The following VKORC1L1 variants were observed in gnomAD, a reference collection of about 807,000 sequenced individuals.
VKORC1L1 encodes vitamin K epoxide reductase complex subunit 1-like protein 1.
In VKORC1L1, 2 loss-of-function variants were observed where a neutral mutation model predicts 18.9. The observed-to-expected ratio is 0.11, with a 90% confidence interval of 0.04 to 0.33. The LOEUF (loss-of-function observed/expected upper bound fraction) is 0.33, where lower values mean the gene tolerates loss of function less well. Ranked by LOEUF, VKORC1L1 falls within the 10% of genes least tolerant of loss-of-function variation. The probability of loss-of-function intolerance (pLI) is 1.00; values close to 1 mark genes in which losing one functional copy is unlikely to be tolerated. For missense variants in VKORC1L1, 123 were observed against 224.1 expected, an observed-to-expected ratio of 0.55 and a Z score of 2.88; for synonymous variants, 96 against 100.0, an observed-to-expected ratio of 0.96 and a Z score of 0.24.
At chr7:65,913,065 A>G (rs1789526133) in intron 1 of VKORC1L1, among the ~76,000 whole-genome samples, 1 of 152,210 alleles carries the variant, frequency 6.6e-6, no homozygotes, top group Non-Finnish European at 1.5e-5. Context: ...GAGAGCTGGT[A>G]ATGCTGTCAG....
chr7:65,884,462 C>T (rs1324334541), intron 1 of VKORC1L1, among the ~76,000 whole-genome samples: 3 of 152,082 alleles, frequency 2.0e-5, no homozygotes, highest in Admixed American at 1.3e-4. Flanking sequence ...CGTGGTGAAA[C>T]CCCGTCTCTA....
chr7:65,933,888 T>C (rs971125495), intron 1 of VKORC1L1, among the ~76,000 whole-genome samples: 16 of 152,216 alleles, frequency 1.1e-4, no homozygotes, highest in African/African-American at 3.4e-4. Context: ...TTAGATTTTA[T>C]ATTTAGCAAC....
chr7:65,932,221 C>T (rs1413234506), intron 1 of VKORC1L1, among the ~76,000 whole-genome samples: 1 of 151,914 alleles, frequency 6.6e-6, no homozygotes, highest in Non-Finnish European at 1.5e-5. Context: ...CCTCAGCCTC[C>T]CAACCAGCTG....
At chr7:65,938,904 G>T (rs1386029802) in intron 1 of VKORC1L1, among the ~76,000 whole-genome samples, 2 of 152,164 alleles carry the variant, frequency 1.3e-5, no homozygotes, top group South Asian at 2.1e-4. Context: ...GGGGGCTTTG[G>T]GTTGGTCATC....
intron 1 of VKORC1L1, among the ~76,000 whole-genome samples, chr7:65,896,213 C>T (rs1364975829): frequency 6.6e-6 from 1 of 151,820 alleles, no homozygotes; most frequent in Non-Finnish European, 1.5e-5. Flanking sequence ...CATTATCTCA[C>T]TTCTTTTGTT....
At chr7:65,904,125 T>C (rs778690003) in intron 1 of VKORC1L1, among the ~76,000 whole-genome samples, 4 of 152,302 alleles carry the variant, frequency 2.6e-5, no homozygotes, top group East Asian at 1.9e-4. Flanking sequence ...TAATGCATTA[T>C]AGGTTTTATA....
intron 1 of VKORC1L1, among the ~76,000 whole-genome samples, chr7:65,879,130 G>A (rs1400852522): frequency 2.6e-5 from 4 of 152,014 alleles, no homozygotes; most frequent in South Asian, 2.1e-4. Context: ...GAAGTATCAC[G>A]TATGCATCCT....
Position 65,925,078 on chromosome 7 carries a change from G to C in VKORC1L1, c.195-23593G>C, listed in dbSNP as rs961128491. On this transcript the variant is annotated intron_variant, in intron 1 of 2. Transcript: ENST00000360768. The stretch of plus-strand genomic sequence containing the variant: ...CTCTTCTTCATGGCTATCATGTTTA[G>C]AACCATACTTCTAAATCTGCATTTC... Among the ~76,000 whole-genome samples the C allele has an allele frequency of 3.3e-5, 5 of 152,172 alleles. No individual in the cohort carries two copies. The South Asian group carries it at 6.2e-4, about 19-fold the overall frequency.
At chr7:65,891,892 C>G (rs1789116166) in intron 1 of VKORC1L1, among the ~76,000 whole-genome samples, 1 of 152,152 alleles carries the variant, frequency 6.6e-6, no homozygotes. Context: ...GTACTGAACA[C>G]TAGACTTACT....
At chr7:65,878,369 C>T (rs1212280235) in intron 1 of VKORC1L1, among the ~76,000 whole-genome samples, 1 of 152,034 alleles carries the variant, frequency 6.6e-6, no homozygotes, top group Non-Finnish European at 1.5e-5. Context: ...ATCACTTGAA[C>T]CCGGGAGGTG....
chr7:65,897,695 CTTTTT>C (rs67153520), intron 1 of VKORC1L1, among the ~76,000 whole-genome samples: 15 of 137,686 alleles, frequency 1.1e-4, no homozygotes, highest in Admixed American at 7.3e-4. Context: ...GGCTTATAAT[CTTTTT>C]TTTTTTTTTT....
intron 1 of VKORC1L1, among the ~76,000 whole-genome samples, chr7:65,895,201 C>A (rs1371786795): frequency 1.3e-5 from 2 of 151,838 alleles, no homozygotes; most frequent in African/African-American, 2.4e-5. Flanking sequence ...AACCAACTTA[C>A]CTTACATAAC....
upstream of VKORC1L1, among the ~76,000 whole-genome samples, chr7:65,870,485 T>C (rs975805566): frequency 1.4e-4 from 21 of 152,116 alleles, no homozygotes; most frequent in African/African-American, 5.1e-4. Context: ...TCAAAGGTCA[T>C]TTATAGAATG....
chr7:65,879,004 A>G (rs937283647), intron 1 of VKORC1L1, among the ~76,000 whole-genome samples: 4 of 152,200 alleles, frequency 2.6e-5, no homozygotes, highest in African/African-American at 9.6e-5. Flanking sequence ...TCTCCTTCAT[A>G]TCCCTTCCAC....
intron 1 of VKORC1L1, among the ~76,000 whole-genome samples, chr7:65,880,433 C>T (rs1011023440): frequency 3.3e-5 from 5 of 151,368 alleles, no homozygotes; most frequent in Non-Finnish European, 5.9e-5. Context: ...AACAGATAGA[C>T]GGTGTAGTGA....
intron 1 of VKORC1L1, among the ~76,000 whole-genome samples, chr7:65,939,948 G>C (rs933449574): frequency 6.6e-6 from 1 of 152,050 alleles, no homozygotes; most frequent in South Asian, 2.1e-4. Flanking sequence ...GCTGTTGATT[G>C]CCAAATGTAA....
In VKORC1L1 at chr7:65,922,527, G is replaced by A. The variant is rs189488190; in HGVS notation, c.195-26144G>A. On this transcript the variant is annotated intron_variant, in intron 1 of 2. Coordinates refer to ENST00000360768, the MANE Select transcript of VKORC1L1 (RefSeq NM_173517.6). Reference sequence around the variant, plus strand: ...TCTAACTCTTGGCCTCAGGTGATCTGCCCGCCTCAGCCTCCCAAAGTGCTG... The same window carrying A: ...TCTAACTCTTGGCCTCAGGTGATCTACCCGCCTCAGCCTCCCAAAGTGCTG... 3.8e-3 allele frequency among the ~76,000 whole-genome samples: 583 copies of A among 152,212 alleles called. 6 individuals are homozygous for A. Among genetic ancestry groups the A allele is most frequent in the African/African-American group, 0.013 (556 of 41,532 alleles).
At chr7:65,895,454 A>AG (rs1789176187) in intron 1 of VKORC1L1, among the ~76,000 whole-genome samples, 1 of 19,582 alleles carries the variant, frequency 5.1e-5, no homozygotes, top group South Asian at 4.0e-3. Flanking sequence ...CATCTGTGAG[A>AG]AAAAAAAAAA....
intron 1 of VKORC1L1, among the ~76,000 whole-genome samples, chr7:65,915,048 G>C (rs1044774750): frequency 6.6e-6 from 1 of 150,706 alleles, no homozygotes; most frequent in Non-Finnish European, 1.5e-5. Context: ...TCCCTCTTCG[G>C]TTTGTAATTT....
Sources: gnomAD v4.1 joint callset for allele counts (sites outside exome capture counted in the v4.1 genomes callset) on GRCh38, gnomAD v4.1.1 for gene constraint, MANE v1.5 for transcripts, NCBI Gene and HGNC (gene_info 2026-07-23, HGNC 2026-07-21) for gene names.